Variants in EZH2 observed in about 807,000 individuals in gnomAD.
The protein encoded by EZH2 is histone-lysine N-methyltransferase EZH2.
EZH2 carries 18 observed loss-of-function variants against 98.4 expected under a neutral mutation model. The ratio of observed to expected loss-of-function variants is 0.18; its 90% CI spans 0.13 to 0.27. EZH2 has a LOEUF of 0.27. Ranked by LOEUF, EZH2 falls within the 10% of genes least tolerant of loss-of-function variation. EZH2 has a pLI of 1.00. For missense variants in EZH2, 470 were observed against 935.1 expected (o/e 0.50, Z 6.49); for synonymous variants, 338 against 312.3 (o/e 1.08, Z -0.87).
At chr7:148,847,061 C>T (rs1814342426) in intron 2 of EZH2, 121 bp downstream of exon 2, 1 of 1,153,564 alleles carries the variant, frequency 8.7e-7, no homozygotes, top group Non-Finnish European at 1.2e-6. Context: ...CAAGTATTCA[C>T]TCATCTTATT....
At chr7:148,865,226 T>A (rs1818277881) in intron 1 of EZH2, among the ~76,000 whole-genome samples, 1 of 152,072 alleles carries the variant, frequency 6.6e-6, no homozygotes, top group Non-Finnish European at 1.5e-5. Flanking sequence ...AACACTTCAC[T>A]GAATAAAAGC....
At chr7:148,861,747 GACC>G (rs957186350) in intron 1 of EZH2, among the ~76,000 whole-genome samples, 1 of 150,426 alleles carries the variant, frequency 6.6e-6, no homozygotes, top group African/African-American at 2.5e-5. Flanking sequence ...GAGGCAGGAG[GACC>G]ACTTGAGCCC....
At chr7:148,853,029 G>A (rs1816133512) in intron 1 of EZH2, among the ~76,000 whole-genome samples, 1 of 152,118 alleles carries the variant, frequency 6.6e-6, no homozygotes, top group Admixed American at 6.5e-5. Context: ...ACCAGGGACT[G>A]GTTTTGTGGA....
At chr7:148,862,150 T>C (rs1817765190) in intron 1 of EZH2, among the ~76,000 whole-genome samples, 1 of 152,210 alleles carries the variant, frequency 6.6e-6, no homozygotes. Flanking sequence ...AATTTCTTTC[T>C]TACAAGATTA....
intron 1 of EZH2, among the ~76,000 whole-genome samples, chr7:148,876,751 G>T (rs749682536): frequency 1.1e-4 from 17 of 152,188 alleles, no homozygotes; most frequent in Non-Finnish European, 2.2e-4. Context: ...TCTCTGTAAA[G>T]GGCCACATGG....
chr7:148,872,514 ATGTT>A (rs1180759287), intron 1 of EZH2, among the ~76,000 whole-genome samples: 2 of 152,248 alleles, frequency 1.3e-5, no homozygotes, highest in Admixed American at 6.5e-5. Context: ...AAAAAGTAAA[ATGTT>A]TGATTTAGAA....
intron 1 of EZH2, among the ~76,000 whole-genome samples, chr7:148,866,611 A>G (rs1310132803): frequency 6.9e-6 from 1 of 144,158 alleles, no homozygotes; most frequent in East Asian, 2.0e-4. Flanking sequence ...TATTATATAT[A>G]ATATATATGC....
At chr7:148,836,001 C>T (rs1810816229) in intron 3 of EZH2, among the ~76,000 whole-genome samples, 1 of 152,148 alleles carries the variant, frequency 6.6e-6, no homozygotes, top group East Asian at 1.9e-4. Flanking sequence ...ACTTCCAGTC[C>T]CATACCTCTG....
At chr7:148,829,002 G>T in intron 5 of EZH2, 122 bp from the exon 6 acceptor site, 1 of 960,046 alleles carries the variant, frequency 1.0e-6, no homozygotes, top group Non-Finnish European at 1.5e-6. Flanking sequence ...CATTATTATT[G>T]AAATGAGGGG....
intron 3 of EZH2, 46 bp from the exon 4 acceptor site, chr7:148,832,796 C>G: frequency 8.1e-7 from 1 of 1,227,818 alleles, no homozygotes; most frequent in African/African-American, 1.5e-5. Context: ...AAAAGGACAA[C>G]CTTAAGCTGT....
chr7:148,877,547 GT>G (rs1395293035), intron 1 of EZH2, among the ~76,000 whole-genome samples: 3 of 152,128 alleles, frequency 2.0e-5, no homozygotes, highest in Non-Finnish European at 4.4e-5. Flanking sequence ...CTTATCAGAT[GT>G]TATCATTATC....
chr7:148,830,083 C>T (rs928481884), intron 4 of EZH2, among the ~76,000 whole-genome samples: 13 of 152,144 alleles, frequency 8.5e-5, no homozygotes, highest in African/African-American at 3.1e-4. Flanking sequence ...AAAAATAATG[C>T]ACTTAGTCTG....
intron 1 of EZH2, among the ~76,000 whole-genome samples, chr7:148,850,211 G>C (rs1005562755): frequency 2.0e-5 from 3 of 152,020 alleles, no homozygotes; most frequent in African/African-American, 7.3e-5. Context: ...GTAGAGACAG[G>C]GTTTCACCGT....
intron 1 of EZH2, among the ~76,000 whole-genome samples, chr7:148,857,004 C>T (rs1269650230): frequency 6.6e-6 from 1 of 152,144 alleles, no homozygotes; most frequent in Admixed American, 6.5e-5. Context: ...GAAAAAAAAC[C>T]ATAACCATTA....
intron 2 of EZH2, 148 bp downstream of exon 2, chr7:148,847,034 T>A: frequency 1.1e-6 from 1 of 920,346 alleles, no homozygotes; most frequent in Non-Finnish European, 1.6e-6. Context: ...TTAAGACAGA[T>A]CAAGAACCTA....
At chr7:148,852,455 T>C (rs1816005375) in intron 1 of EZH2, among the ~76,000 whole-genome samples, 1 of 152,206 alleles carries the variant, frequency 6.6e-6, no homozygotes, top group Non-Finnish European at 1.5e-5. Flanking sequence ...CTCAAGCTGC[T>C]TGTGACCCTG....
chr7:148,850,863 T>A (rs1037129328), intron 1 of EZH2, among the ~76,000 whole-genome samples: 2 of 152,148 alleles, frequency 1.3e-5, no homozygotes, highest in African/African-American at 4.8e-5. Flanking sequence ...AATTTATAAA[T>A]AAGGCACAGT....
In EZH2 at chr7:148,827,178, T is replaced by C. The variant is rs1807961925; in HGVS notation, c.714A>G (p.Glu238=). 2 of 1,612,176 alleles carry C rather than the reference T, an allele frequency of 1.2e-6. No individual in the cohort carries two copies. The highest frequency in any genetic ancestry group is 1.1e-5 in the South Asian group (1 of 90,412). The change falls in exon 7 of 20, where the codon GAA becomes GAG. Residue 238 remains glutamate (E), a synonymous_variant. Coordinates refer to ENST00000320356, the MANE Select transcript of EZH2 (RefSeq NM_004456.5). ...CAAATTCTTACTTTTCCTTTAGTTC[T>C]TCTGCTGTGCCCTTATCTGGAAACA... The part of the protein sequence containing the change: ...SSMFPDKGTA[E]ELKEKYKELT...
chr7:148,835,303 G>A (rs113432078), intron 3 of EZH2, among the ~76,000 whole-genome samples: 1,620 of 152,014 alleles, frequency 0.011, 26 homozygotes, highest in African/African-American at 0.037. Flanking sequence ...CGTGCCTGTA[G>A]TCCCAGCTAC....
Sources: allele counts gnomAD v4.1 joint callset (sites outside exome capture counted in the v4.1 genomes callset), GRCh38; gene constraint gnomAD v4.1.1; transcripts MANE v1.5; gene names NCBI Gene and HGNC (gene_info 2026-07-23, HGNC 2026-07-21).